Variants in PRKCB observed in about 807,000 individuals in gnomAD.
The protein encoded by PRKCB is protein kinase C beta type.
PRKCB carries 13 observed loss-of-function variants against 81.5 expected under a neutral mutation model. The ratio of observed to expected loss-of-function variants is 0.16; its 90% CI spans 0.10 to 0.25. PRKCB has a LOEUF of 0.25. PRKCB is among the 10% of genes least tolerant of loss of function. The pLI is 1.00. For missense variants in PRKCB, 509 were observed against 875.7 expected (o/e 0.58, Z 5.29); for synonymous variants, 335 against 321.4 (o/e 1.04, Z -0.45).
chr16:24,161,616 G>A (rs1967258634), intron 10 of PRKCB, among the ~76,000 whole-genome samples: 1 of 152,148 alleles, frequency 6.6e-6, no homozygotes, highest in South Asian at 2.1e-4. Flanking sequence ...GATGGTTTAG[G>A]CAAATTGTCC....
chr16:24,180,748 A>G (rs753147555), intron 12 of PRKCB, 42 bp from the exon 13 acceptor site: 26 of 1,600,122 alleles, frequency 1.6e-5, no homozygotes, highest in Non-Finnish European at 2.0e-5. Context: ...CTTGAAATGC[A>G]TAGCGTTTAA....
intron 11 of PRKCB, among the ~76,000 whole-genome samples, chr16:24,172,924 C>T (rs1967466470): frequency 6.6e-6 from 1 of 152,158 alleles, no homozygotes; most frequent in South Asian, 2.1e-4. Flanking sequence ...AACATCGTCT[C>T]ACTTAACCTT....
chr16:24,168,069 CA>C (rs1456997459), intron 10 of PRKCB, among the ~76,000 whole-genome samples: 3 of 152,150 alleles, frequency 2.0e-5, no homozygotes, highest in Non-Finnish European at 4.4e-5. Context: ...ATGACTGTTA[CA>C]TATAAGATAA....
intron 3 of PRKCB, among the ~76,000 whole-genome samples, chr16:24,027,587 G>A (rs12445528): frequency 0.078 from 11,877 of 152,132 alleles, 548 homozygotes; most frequent in African/African-American, 0.098. Context: ...AAAAGACCTC[G>A]CTTCTCAAAC....
rs74821667 is a variant in PRKCB, at chr16:24,211,357, G to A, written c.1864-3301G>A. Among the ~76,000 whole-genome samples the A allele has an allele frequency of 4.9e-3, 746 of 152,264 alleles. 5 individuals carry two copies. The highest frequency in any genetic ancestry group is 0.017 in the African/African-American group (697 of 41,552). On this transcript the variant is annotated intron_variant, in intron 16 of 16. Coordinates refer to ENST00000643927, the MANE Select transcript of PRKCB (RefSeq NM_002738.7). ...AAATGGGAACTAAATAATACTTGGA[G>A]CCATGATGCGTTGATCACATACTCA...
At chr16:23,897,054 T>C (rs914292699) in intron 2 of PRKCB, among the ~76,000 whole-genome samples, 3 of 152,174 alleles carry the variant, frequency 2.0e-5, no homozygotes, top group Non-Finnish European at 4.4e-5. Context: ...GAGTGCCTAC[T>C]GTGTGCCAGA....
chr16:24,080,292 G>A lies in PRKCB; in HGVS notation c.530-12499G>A, dbSNP rs999153000. Among the ~76,000 whole-genome samples the A allele has an allele frequency of 3.3e-5, 5 of 152,126 alleles. 1 individual carries two copies. The highest frequency in any genetic ancestry group is 3.8e-4 in the East Asian group (2 of 5,204). ...ATTCAAATATAACTTAATAATCACA[G>A]TAATTCTATGGCACACTTATTATTG... On this transcript the variant is annotated intron_variant, in intron 5 of 16. Transcript: ENST00000643927.
chr16:23,873,965 G>A (rs12934555), intron 2 of PRKCB, among the ~76,000 whole-genome samples: 72,948 of 151,564 alleles, frequency 0.48, 18,266 homozygotes, highest in East Asian at 0.63. Context: ...TAAATCACTC[G>A]GTCACTTCCC....
chr16:23,960,965 C>T (rs1303789134), intron 2 of PRKCB, among the ~76,000 whole-genome samples: 1 of 152,240 alleles, frequency 6.6e-6, no homozygotes, highest in Non-Finnish European at 1.5e-5. Context: ...TAAAATTCTT[C>T]CCCATTTTGG....
intron 15 of PRKCB, among the ~76,000 whole-genome samples, chr16:24,190,489 T>C (rs1967772807): frequency 7.0e-6 from 1 of 142,964 alleles, no homozygotes; most frequent in Non-Finnish European, 1.5e-5. Context: ...TTTTTTTCTT[T>C]CTGTTTTTTT....
intron 3 of PRKCB, among the ~76,000 whole-genome samples, chr16:24,014,241 C>T (rs563051624): frequency 1.3e-5 from 2 of 152,208 alleles, no homozygotes; most frequent in Admixed American, 6.5e-5. Flanking sequence ...AGACCACTTC[C>T]CTTAGTTGGC....
intron 9 of PRKCB, 22 bp from the exon 10 acceptor site, chr16:24,154,662 A>T (rs1160339341): frequency 6.2e-7 from 1 of 1,613,270 alleles, no homozygotes; most frequent in Non-Finnish European, 8.5e-7. Flanking sequence ...AACTGCCCTG[A>T]CATGCTTGCT....
chr16:23,974,293 G>A (rs1008252314), intron 2 of PRKCB, among the ~76,000 whole-genome samples: 1 of 152,198 alleles, frequency 6.6e-6, no homozygotes, highest in Non-Finnish European at 1.5e-5. Flanking sequence ...ACAGAGAGGT[G>A]TGGGGTTCAG....
At chr16:23,921,114 T>C (rs1963818805) in intron 2 of PRKCB, among the ~76,000 whole-genome samples, 4 of 152,166 alleles carry the variant, frequency 2.6e-5, no homozygotes, top group Non-Finnish European at 4.4e-5. Flanking sequence ...TTCAGTTATT[T>C]CCACCTAGCC....
chr16:23,836,125 C>T lies in PRKCB; in HGVS notation c.-51C>T. The T allele has an allele frequency of 7.4e-6, 9 of 1,208,822 alleles. No individual in the cohort carries two copies. Among genetic ancestry groups the T allele is most frequent in the Non-Finnish European group, 9.3e-6 (9 of 964,538 alleles). 74.9% of individuals were successfully genotyped at this position (1,208,822 alleles called of 1,614,324 possible). A position where few individuals can be genotyped will look rare whatever the true frequency, so the allele number is the denominator to read the frequency against. ...GCCTCCCCGGCCCGCAGCCCGCGGT[C>T]CCGCGGCCCCGGGGCCGGCACCTCT... On this transcript the variant is annotated 5_prime_UTR_variant, in exon 1 of 17. Coordinates refer to ENST00000643927, the MANE Select transcript of PRKCB (RefSeq NM_002738.7).
At chr16:24,115,192 G>A (rs1262552542) in intron 8 of PRKCB, among the ~76,000 whole-genome samples, 1 of 151,496 alleles carries the variant, frequency 6.6e-6, no homozygotes, top group Non-Finnish European at 1.5e-5. Context: ...CCTTGACAAG[G>A]ATTTTAGCAT....
chr16:23,886,636 C>T (rs1056464861), intron 2 of PRKCB, among the ~76,000 whole-genome samples: 64 of 152,104 alleles, frequency 4.2e-4, no homozygotes, highest in African/African-American at 1.5e-3. Context: ...TGGTCTCGAA[C>T]TCCTGACCTC....
intron 2 of PRKCB, among the ~76,000 whole-genome samples, chr16:23,969,748 T>C (rs974365512): frequency 3.3e-5 from 5 of 152,172 alleles, no homozygotes; most frequent in Admixed American, 6.5e-5. Flanking sequence ...CCATTGTCAA[T>C]AGAAAAATTC....
At chr16:24,007,115 T>C (rs568116543) in intron 3 of PRKCB, among the ~76,000 whole-genome samples, 6 of 152,188 alleles carry the variant, frequency 3.9e-5, no homozygotes, top group Admixed American at 3.3e-4. Flanking sequence ...TAGCTGATAA[T>C]CTTGGGCTAG....
Sources: gnomAD v4.1 joint callset for allele counts (sites outside exome capture counted in the v4.1 genomes callset) on GRCh38, gnomAD v4.1.1 for gene constraint, MANE v1.5 for transcripts, NCBI Gene and HGNC (gene_info 2026-07-23, HGNC 2026-07-21) for gene names.